Variants in KANSL3 observed in about 807,000 individuals in gnomAD.
KANSL3 encodes NSL complex protein NSL3.
A neutral mutation model predicts 89.2 loss-of-function variants in KANSL3; 16 were observed. The observed-to-expected ratio is 0.18, with a 90% confidence interval of 0.12 to 0.27. KANSL3 has a LOEUF of 0.27. KANSL3 is among the 10% of genes least tolerant of loss of function. The probability of loss-of-function intolerance (pLI) is 1.00; values close to 1 mark genes in which losing one functional copy is unlikely to be tolerated. For missense variants in KANSL3, 879 were observed against 1,110.6 expected (o/e 0.79, Z 2.96); for synonymous variants, 385 against 419.7 (o/e 0.92, Z 1.01).
At chr2:96,619,316 AT>A (rs2070807546) in intron 5 of KANSL3, 42 bp downstream of exon 5, 1 of 1,553,072 alleles carries the variant, frequency 6.4e-7, no homozygotes, top group East Asian at 2.3e-5. Context: ...ACAGGGGAGG[AT>A]GGCTATCCCT....
chr2:96,586,263 C>T, the KANSL3 span, among the ~76,000 whole-genome samples: 2 of 151,060 alleles, frequency 1.3e-5, no homozygotes, highest in Admixed American at 1.3e-4. Context: ...ACTTTGAGGA[C>T]TTCGGGGTAA....
At chr2:96,605,859 A>G (rs372741125) in intron 14 of KANSL3, 1 of 174,948 alleles carries the variant, frequency 5.7e-6, no homozygotes. Flanking sequence ...ACAAAAATAG[A>G]GGATTCAACA....
At chr2:96,609,373 A>T in intron 12 of KANSL3, 126 bp downstream of exon 12, 2 of 806,780 alleles carry the variant, frequency 2.5e-6, no homozygotes, top group South Asian at 1.5e-5. Flanking sequence ...TTTGCTTATG[A>T]CTGAGACCTA....
At chr2:96,597,331 C>T (rs1461206976) in intron 20 of KANSL3, among the ~76,000 whole-genome samples, 5 of 152,240 alleles carry the variant, frequency 3.3e-5, no homozygotes, top group African/African-American at 9.6e-5. Context: ...CTGATCCTGC[C>T]ACCACAACAG....
At chr2:96,584,629 G>A in the KANSL3 span, among the ~76,000 whole-genome samples, 4 of 152,314 alleles carry the variant, frequency 2.6e-5, no homozygotes, top group Admixed American at 2.6e-4. Flanking sequence ...AGAACACGCA[G>A]TATTTTTCTG....
intron 18 of KANSL3, 70 bp downstream of exon 18, chr2:96,602,683 G>T: frequency 7.6e-7 from 1 of 1,314,000 alleles, no homozygotes; most frequent in Non-Finnish European, 1.0e-6. Context: ...TAGTTTCCCT[G>T]CCAAAACCAA....
At chr2:96,612,629 C>T in intron 7 of KANSL3, 66 bp from the exon 8 acceptor site, 1 of 1,397,772 alleles carries the variant, frequency 7.2e-7, no homozygotes, top group South Asian at 1.2e-5. Context: ...TCTGTTTAAC[C>T]TAACCTAAAC....
chr2:96,590,134 C>T (rs990865445), downstream of KANSL3, among the ~76,000 whole-genome samples: 2 of 151,478 alleles, frequency 1.3e-5, no homozygotes, highest in Non-Finnish European at 2.9e-5. Flanking sequence ...CCAGCCTGGG[C>T]GACAGAATGA....
At chr2:96,633,376 C>T (rs987449640) in intron 2 of KANSL3, among the ~76,000 whole-genome samples, 2 of 152,038 alleles carry the variant, frequency 1.3e-5, no homozygotes, top group Admixed American at 6.6e-5. Flanking sequence ...TCGAGACCAG[C>T]TTGGCCAACA....
At chr2:96,633,563 T>A (rs1453380281) in intron 2 of KANSL3, among the ~76,000 whole-genome samples, 2 of 124,984 alleles carry the variant, frequency 1.6e-5, no homozygotes, top group African/African-American at 6.2e-5. Context: ...AGCGAGACTC[T>A]GTCTCAAAAA....
chr2:96,637,844 C>T (rs1325879750), intron 1 of KANSL3: 3 of 152,380 alleles, frequency 2.0e-5, no homozygotes, highest in African/African-American at 7.2e-5. Context: ...CCCTCACCCC[C>T]AGTGAGGCGT....
At chr2:96,602,889 T>C (rs2067387135) in intron 17 of KANSL3, 27 bp from the exon 18 acceptor site, 25 of 1,602,366 alleles carry the variant, frequency 1.6e-5, no homozygotes, top group Non-Finnish European at 2.1e-5. Flanking sequence ...CAGGAATCAG[T>C]AGAGACTCAA....
chr2:96,606,590 TG>T, intron 14 of KANSL3: 1 of 192,096 alleles, frequency 5.2e-6, no homozygotes, highest in Non-Finnish European at 1.1e-5. Context: ...TCAGGTTCTA[TG>T]CTGATATGTG....
At chr2:96,615,915 G>A (rs2105662634) in intron 5 of KANSL3, among the ~76,000 whole-genome samples, 1 of 152,318 alleles carries the variant, frequency 6.6e-6, no homozygotes, top group East Asian at 1.9e-4. Context: ...GAAAGAAACA[G>A]AAGCCCAAAC....
rs138204392 is a variant in KANSL3, at chr2:96,611,128, A to G, written c.1097T>C (p.Met366Thr). 458 of 1,613,834 alleles carry G rather than the reference A, an allele frequency of 2.8e-4. 4 individuals carry two copies. In the African/African-American group the frequency reaches 5.2e-3, roughly 18 times the overall value. Residue 366 changes from methionine (M) to threonine (T), a missense_variant, in exon 10 of 21, where the codon ATG becomes ACG. This residue lies in a region of KANSL3 where 198 missense variants were observed against 260.3 expected (regional missense o/e 0.76). Coordinates refer to ENST00000431828, the MANE Select transcript of KANSL3 (RefSeq NM_001115016.3). Reference protein sequence around the residue: ...GALVACHVSVMEYVTAVVCLG... With the variant: ...GALVACHVSVTEYVTAVVCLG... ...GCAGACAACTGCAGTGACATACTCC[A>G]TTACTGACACCTGTAAATAACAGAA... is the stretch of plus-strand genomic sequence containing the variant.
chr2:96,598,151 C>G (rs183486445), intron 20 of KANSL3: 1 of 985,322 alleles, frequency 1.0e-6, no homozygotes, highest in South Asian at 4.7e-5. Context: ...CATCAGCAAA[C>G]GAAGACACCC....
intron 9 of KANSL3, among the ~76,000 whole-genome samples, chr2:96,611,506 G>A (rs1308278962): frequency 6.6e-6 from 1 of 151,998 alleles, no homozygotes; most frequent in Non-Finnish European, 1.5e-5. Context: ...TAACCCTTAA[G>A]TGAAAAAAAA....
intron 7 of KANSL3, 87 bp from the exon 8 acceptor site, chr2:96,612,650 G>C: frequency 8.0e-7 from 1 of 1,246,410 alleles, no homozygotes; most frequent in Non-Finnish European, 1.2e-6. Context: ...CCAAAACCTT[G>C]GAATTCCACA....
intron 20 of KANSL3, chr2:96,600,318 T>C (rs781147687): frequency 1.8e-6 from 1 of 553,272 alleles, no homozygotes; most frequent in Non-Finnish European, 2.3e-6. Context: ...AGTAGCATCA[T>C]GGGAAACTTT....
Sources: allele counts gnomAD v4.1 joint callset (sites outside exome capture counted in the v4.1 genomes callset), GRCh38; gene constraint gnomAD v4.1.1; regional missense constraint gnomAD v4.1.1; transcripts MANE v1.5; gene names NCBI Gene and HGNC (gene_info 2026-07-23, HGNC 2026-07-21).